INTS7: variants seen among roughly 807,000 people sequenced by gnomAD.
INTS7 encodes the protein integrator complex subunit 7.
Under a neutral mutation model 109.2 loss-of-function variants are expected in INTS7, and 46 were observed. That is an observed-to-expected ratio of 0.42 (90% CI 0.33 to 0.54). The LOEUF is 0.54. Ranked by LOEUF, INTS7 falls within the 20% of genes least tolerant of loss-of-function variation. INTS7 has a pLI of 0.07. For missense variants in INTS7, 929 were observed against 1,132.4 expected, an observed-to-expected ratio of 0.82 and a Z score of 2.58; for synonymous variants, 412 against 402.9, an observed-to-expected ratio of 1.02 and a Z score of -0.27.
intron 16 of INTS7, among the ~76,000 whole-genome samples, chr1:211,965,357 A>T (rs1380912084): frequency 6.6e-6 from 1 of 152,192 alleles, no homozygotes; most frequent in Non-Finnish European, 1.5e-5. Flanking sequence ...CGGGAGTGTA[A>T]ATTAGTTCAA....
In INTS7 at chr1:211,968,688, T is replaced by C; in HGVS notation, c.1835A>G (p.Asn612Ser). ...AAATTCACACTGAAAGCTTAAAGGA[T>C]TCAGTGGTGTACTAGCTGCCTGGGA... ...ASLTAASTPL[N>S]PLSFQCEFVK... Residue 612 changes from asparagine to serine, a missense_variant, in exon 14 of 20, where the codon AAT (asparagine) becomes AGT (serine). Physicochemically the swap from Asn to Ser is conservative, Grantham distance 46. Around this residue, in one of 2 missense-constraint regions of INTS7, gnomAD observed 787 missense variants for 901.1 expected, o/e 0.87. Coordinates refer to ENST00000366994, the MANE Select transcript of INTS7 (RefSeq NM_015434.4). 6.2e-7 allele frequency: 1 copy of C among 1,609,630 alleles called. No homozygotes were observed. Among genetic ancestry groups the C allele is most frequent in the Non-Finnish European group, 8.5e-7 (1 of 1,178,740 alleles).
chr1:211,960,990 A>G (rs116707579), intron 16 of INTS7, among the ~76,000 whole-genome samples: 3,944 of 152,076 alleles, frequency 0.026, 60 homozygotes, highest in African/African-American at 0.046. Context: ...ACTCCAGCCT[A>G]GGCAACAGTG....
At chr1:212,033,990 G>A (rs141276366) in intron 1 of INTS7, among the ~76,000 whole-genome samples, 3,977 of 152,224 alleles carry the variant, frequency 0.026, 58 homozygotes, top group African/African-American at 0.046. Context: ...GGCTGAGGCA[G>A]GAGAACCGTT....
intron 16 of INTS7, among the ~76,000 whole-genome samples, chr1:211,960,340 G>A (rs1406331909): frequency 1.3e-5 from 2 of 151,442 alleles, no homozygotes; most frequent in Non-Finnish European, 2.9e-5. Flanking sequence ...AGGACCATCA[G>A]CCCACAAAGA....
At chr1:212,004,579 T>C (rs1665821791) in intron 7 of INTS7, among the ~76,000 whole-genome samples, 1 of 152,186 alleles carries the variant, frequency 6.6e-6, no homozygotes, top group Non-Finnish European at 1.5e-5. Flanking sequence ...GACAATATTA[T>C]AAAGTTACCA....
In INTS7 at chr1:211,975,316, T is replaced by C; in HGVS notation, c.1665A>G (p.Ser555=). The C allele has an allele frequency of 6.2e-7, 1 of 1,614,156 alleles. No homozygotes were observed. The highest frequency in any genetic ancestry group is 8.5e-7 in the Non-Finnish European group (1 of 1,180,002). The change falls in exon 13 of 20, where the codon TCA becomes TCG. Residue 555 remains serine (S), a synonymous_variant. Transcript: ENST00000366994. The part of the protein sequence containing the change: ...LYQSLLTQVA[S]EHFYFWLNSL... The stretch of plus-strand genomic sequence containing the variant: ...TATTTAGCCAGAAGTAGAAATGTTC[T>C]GAGGCAACCTGAGTCAGCAAACTCT...
In INTS7 at chr1:211,959,130, G is replaced by C. The variant is rs1276318219; in HGVS notation, c.2184-6429C>G. ...GAGTTGGCACAGAGGGCTGCTTAGA[G>C]AAGTGTTAGGGGCCGTATTCTAGCC... On this transcript the variant is annotated intron_variant, in intron 16 of 19. Transcript: ENST00000366994. The surrounding 1 kb of genome is among the most constrained non-coding windows in gnomAD (Gnocchi z 4.2). Among the ~76,000 whole-genome samples the C allele has an allele frequency of 6.6e-6, 1 of 152,234 alleles. No homozygotes were observed. Among genetic ancestry groups the C allele is most frequent in the African/African-American group, 2.4e-5 (1 of 41,456 alleles).
chr1:212,013,066 T>A (rs1393147143), intron 4 of INTS7, among the ~76,000 whole-genome samples: 1 of 152,148 alleles, frequency 6.6e-6, no homozygotes, highest in East Asian at 1.9e-4. Context: ...CATAACAACG[T>A]TTTGGTCAAC....
At chr1:211,995,699 ACCG>A (rs1394373513) in intron 7 of INTS7, among the ~76,000 whole-genome samples, 1 of 152,204 alleles carries the variant, frequency 6.6e-6, no homozygotes, top group African/African-American at 2.4e-5. Context: ...TGAAATCCTA[ACCG>A]CCAAGTTGAT....
intron 1 of INTS7, among the ~76,000 whole-genome samples, chr1:212,033,447 A>C (rs1442322257): frequency 6.6e-6 from 1 of 152,212 alleles, no homozygotes; most frequent in Non-Finnish European, 1.5e-5. Context: ...GGAGGAGTGC[A>C]AATGATCACT....
At chr1:211,999,441 G>A (rs1196034352) in intron 7 of INTS7, among the ~76,000 whole-genome samples, 4 of 152,172 alleles carry the variant, frequency 2.6e-5, no homozygotes, top group Admixed American at 2.0e-4. Context: ...ACTGGTAGTT[G>A]TCAGGGGTTG....
chr1:211,986,617 G>C (rs1209491786), intron 8 of INTS7, among the ~76,000 whole-genome samples: 1 of 152,142 alleles, frequency 6.6e-6, no homozygotes, highest in East Asian at 1.9e-4. Flanking sequence ...TTCTGTTACA[G>C]GGTACCAGAC....
Position 211,941,072 on chromosome 1 carries a change from G to A in INTS7, c.*752C>T, listed in dbSNP as rs1208767152. 9 of 152,222 alleles carry A rather than the reference G, an allele frequency of 5.9e-5. No individual in the cohort carries two copies. Among genetic ancestry groups the A allele is most frequent in the African/African-American group, 1.9e-4 (8 of 41,450 alleles). The allele number at this position is 152,222 out of a possible 1,614,324, so 9.4% of individuals were successfully genotyped here. A position where few individuals can be genotyped will look rare whatever the true frequency, so the allele number is the denominator to read the frequency against. On this transcript the variant is annotated 3_prime_UTR_variant, in exon 20 of 20. Transcript: ENST00000366994. ...TGGGCTTTCATAATCCAGAAGGCTG[G>A]ATGTTGCACGGAACACTTTCAAGTC...
intron 1 of INTS7, among the ~76,000 whole-genome samples, chr1:212,024,982 A>T (rs1010510937): frequency 6.6e-6 from 1 of 152,234 alleles, no homozygotes; most frequent in Non-Finnish European, 1.5e-5. Context: ...ATGCGCAACT[A>T]GACTTTACTA....
intron 3 of INTS7, among the ~76,000 whole-genome samples, chr1:212,018,672 TATC>T (rs1666554300): frequency 6.6e-6 from 1 of 152,090 alleles, no homozygotes; most frequent in South Asian, 2.1e-4. Context: ...TATATATTAA[TATC>T]AACTAGCAAA....
chr1:211,964,919 C>A (rs1177881320), intron 16 of INTS7, among the ~76,000 whole-genome samples: 1 of 152,026 alleles, frequency 6.6e-6, no homozygotes, highest in South Asian at 2.1e-4. Flanking sequence ...GACAAAGATG[C>A]CAAAAGCAAT....
chr1:211,985,083 A>G lies in INTS7; in HGVS notation c.998-2273T>C, dbSNP rs150782265. The stretch of plus-strand genomic sequence containing the variant: ...TTCCTAGAAGTGGAAAGTCTGGGTT[A>G]TCTGTAATTTAATGAGTATTTCCAA... On this transcript the variant is annotated intron_variant, in intron 8 of 19. Transcript: ENST00000366994. Among the ~76,000 whole-genome samples the G allele has an allele frequency of 1.5e-3, 227 of 152,326 alleles. 4 individuals are homozygous for G. The highest frequency in any genetic ancestry group is 5.2e-3 in the African/African-American group (218 of 41,588).
Position 212,035,503 on chromosome 1 carries a change from T to G in INTS7, c.-66A>C, listed in dbSNP as rs1350414569. 7 of 1,178,316 alleles carry G rather than the reference T, an allele frequency of 5.9e-6. No individual in the cohort carries two copies. Among genetic ancestry groups the G allele is most frequent in the Non-Finnish European group, 6.4e-6 (5 of 784,652 alleles). 73.0% of individuals were successfully genotyped at this position (1,178,316 alleles called of 1,614,324 possible). ...CAAACTCTACCCCAGGACCGCCATC[T>G]TCCCCCGCCGCCTTCTTGCTGGTTT... On this transcript the variant is annotated 5_prime_UTR_variant, in exon 1 of 20. Transcript: ENST00000366994.
chr1:211,997,670 G>A (rs956636346), intron 7 of INTS7, among the ~76,000 whole-genome samples: 3 of 151,842 alleles, frequency 2.0e-5, no homozygotes, highest in Non-Finnish European at 4.4e-5. Context: ...CTTGAGATCA[G>A]GAGTCTGAGA....
Sources: allele counts gnomAD v4.1 joint callset (sites outside exome capture counted in the v4.1 genomes callset), GRCh38; gene constraint gnomAD v4.1.1; regional missense constraint gnomAD v4.1.1; non-coding constraint Gnocchi (gnomAD v3.1); transcripts MANE v1.5; gene names NCBI Gene and HGNC (gene_info 2026-07-23, HGNC 2026-07-21).